Variants in HIP1 observed in about 807,000 individuals in gnomAD.
HIP1 encodes the protein huntingtin-interacting protein 1.
Under a neutral mutation model 147.6 loss-of-function variants are expected in HIP1, and 65 were observed. That is an observed-to-expected ratio of 0.44 (90% CI 0.36 to 0.54). HIP1 has a LOEUF of 0.54. Among genes scored for constraint, HIP1 ranks in the 20% least tolerant of loss-of-function variants. HIP1 has a pLI of 0.00. For synonymous variants in HIP1, 479 were observed against 504.0 expected, an observed-to-expected ratio of 0.95 and a Z score of 0.67; for missense variants, 1,061 against 1,299.6, an observed-to-expected ratio of 0.82 and a Z score of 2.82.
chr7:75,700,659 A>G (rs1584961339), intron 1 of HIP1, among the ~76,000 whole-genome samples: 1 of 152,008 alleles, frequency 6.6e-6, no homozygotes, highest in South Asian at 2.1e-4. Context: ...AGGAAAACCA[A>G]CGAGAAGGGG....
chr7:75,545,599 G>A (rs1037427210), intron 25 of HIP1, among the ~76,000 whole-genome samples: 20 of 141,690 alleles, frequency 1.4e-4, no homozygotes, highest in Middle Eastern at 4.6e-3. Context: ...CCGAGATCGC[G>A]TCACTGCACT....
intron 1 of HIP1, among the ~76,000 whole-genome samples, chr7:75,715,441 GGA>G (rs1363939271): frequency 7.1e-6 from 1 of 141,570 alleles, no homozygotes; most frequent in African/African-American, 2.7e-5. Flanking sequence ...AGGAAAGAAG[GGA>G]GAGAGAGACA....
At chr7:75,647,675 G>A (rs903924024) in intron 1 of HIP1, among the ~76,000 whole-genome samples, 6 of 152,230 alleles carry the variant, frequency 3.9e-5, no homozygotes, top group African/African-American at 1.2e-4. Flanking sequence ...CTGGGTCAGG[G>A]TGTGCATGGC....
chr7:75,634,513 G>A (rs587700729), intron 1 of HIP1, among the ~76,000 whole-genome samples: 21 of 152,266 alleles, frequency 1.4e-4, no homozygotes, highest in Middle Eastern at 6.8e-3. Context: ...ACAAGACCTG[G>A]TTCTAACCCC....
chr7:75,679,408 T>C (rs1554516528), intron 1 of HIP1, among the ~76,000 whole-genome samples: 1 of 152,192 alleles, frequency 6.6e-6, no homozygotes, highest in East Asian at 1.9e-4. Flanking sequence ...TTCAATATGT[T>C]GCCCAGGTTG....
At chr7:75,738,420 C>T (rs1554523927) in intron 1 of HIP1, among the ~76,000 whole-genome samples, 1 of 152,134 alleles carries the variant, frequency 6.6e-6, no homozygotes, top group African/African-American at 2.4e-5. Context: ...CTCTCCGCCC[C>T]CACACTTGAG....
At position 75,687,479 on chromosome 7, in the gene HIP1, G is replaced by A. The variant is rs569062146; in HGVS notation, c.120+51322C>T. ...GGCCAAGGCGGGAGGATCACCTGAG[G>A]TCAGGAGTTCGAGACCAGCCTTGGC... On this transcript the variant is annotated intron_variant, in intron 1 of 30. Transcript: ENST00000336926. 1.7e-4 allele frequency among the ~76,000 whole-genome samples: 26 copies of A among 152,284 alleles called. No homozygotes were observed. The Middle Eastern group carries it at 0.01, about 60-fold the overall frequency.
intron 1 of HIP1, among the ~76,000 whole-genome samples, chr7:75,657,116 T>A (rs1799166407): frequency 1.3e-5 from 2 of 152,228 alleles, no homozygotes; most frequent in Non-Finnish European, 2.9e-5. Context: ...TGCACATGTA[T>A]GTTTATTGCA....
chr7:75,617,861 G>A (rs1361774495), intron 1 of HIP1, among the ~76,000 whole-genome samples: 3 of 152,242 alleles, frequency 2.0e-5, no homozygotes, highest in African/African-American at 7.2e-5. Context: ...CACCCAGAGG[G>A]CTCATTCCCC....
chr7:75,541,803 T>G (rs1794331800), intron 29 of HIP1, 116 bp downstream of exon 29: 1 of 725,602 alleles, frequency 1.4e-6, no homozygotes, highest in East Asian at 2.5e-5. Context: ...ACATTCAGTC[T>G]TGGGTTAGTA....
chr7:75,618,155 C>G (rs1448209598), intron 1 of HIP1, among the ~76,000 whole-genome samples: 1 of 152,104 alleles, frequency 6.6e-6, no homozygotes, highest in African/African-American at 2.4e-5. Flanking sequence ...TTCTTTCTTT[C>G]ATTTTTTTTC....
chr7:75,544,127 A>G (rs1185583410), intron 27 of HIP1, among the ~76,000 whole-genome samples: 3 of 143,106 alleles, frequency 2.1e-5, no homozygotes, highest in Non-Finnish European at 4.5e-5. Context: ...AGCTGAGATC[A>G]CGCCACTGCA....
chr7:75,567,894 G>A (rs1035042933), intron 9 of HIP1, among the ~76,000 whole-genome samples: 2 of 148,472 alleles, frequency 1.3e-5, no homozygotes, highest in Non-Finnish European at 2.9e-5. Flanking sequence ...CTGCAGCCTC[G>A]GACTCCTAGG....
intron 22 of HIP1, among the ~76,000 whole-genome samples, chr7:75,551,526 A>AT (rs1320979258): frequency 6.9e-6 from 1 of 145,214 alleles, no homozygotes; most frequent in Non-Finnish European, 1.5e-5. Flanking sequence ...TGATCTTTTT[A>AT]TTTTTTCTTT....
intron 22 of HIP1, 38 bp downstream of exon 22, chr7:75,553,415 A>G (rs1401999003): frequency 6.2e-7 from 1 of 1,604,892 alleles, no homozygotes; most frequent in Non-Finnish European, 8.5e-7. Context: ...CACACCCAGA[A>G]GAATAACAAT....
chr7:75,542,424 C>T (rs782749769), intron 28 of HIP1, among the ~76,000 whole-genome samples: 2 of 149,928 alleles, frequency 1.3e-5, no homozygotes, highest in African/African-American at 2.5e-5. Context: ...TGGCAGGGCG[C>T]GGTGGCTCAC....
chr7:75,581,437 G>T, intron 6 of HIP1, 139 bp from the exon 7 acceptor site: 1 of 660,788 alleles, frequency 1.5e-6, no homozygotes. Context: ...CCAGCTCCAA[G>T]TCTTAGCCTT....
intron 2 of HIP1, among the ~76,000 whole-genome samples, chr7:75,595,231 T>TGTAGGAGTC (rs1330202196): frequency 9.4e-6 from 1 of 106,122 alleles, no homozygotes; most frequent in African/African-American, 4.6e-5. Flanking sequence ...TTTCTTTCTT[T>TGTAGGAGTC]CTTTCTTTCT....
intron 1 of HIP1, among the ~76,000 whole-genome samples, chr7:75,715,802 T>C (rs1374644892): frequency 9.9e-6 from 1 of 101,356 alleles, no homozygotes; most frequent in Non-Finnish European, 2.1e-5. Context: ...AAAAAAAAGA[T>C]GTCTATCTGG....
Sources: gnomAD v4.1 joint callset for allele counts (sites outside exome capture counted in the v4.1 genomes callset) on GRCh38, gnomAD v4.1.1 for gene constraint, MANE v1.5 for transcripts, NCBI Gene and HGNC (gene_info 2026-07-23, HGNC 2026-07-21) for gene names.